The following ARL15 variants were observed in gnomAD, a reference collection of about 807,000 sequenced individuals.
ARL15 encodes ARF like GTPase 15.
In ARL15, 19 loss-of-function variants were observed where a neutral mutation model predicts 25.2. The observed-to-expected ratio is 0.75, with a 90% CI of 0.53 to 1.10. The LOEUF (loss-of-function observed/expected upper bound fraction) is 1.10, where lower values mean the gene tolerates loss of function less well. Among genes scored for constraint, ARL15 ranks in the 50% least tolerant of loss-of-function variants. The pLI is 0.00. For synonymous variants in ARL15, 94 were observed against 86.8 expected, an observed-to-expected ratio of 1.08 and a Z score of -0.46; for missense variants, 220 against 246.0, an observed-to-expected ratio of 0.89 and a Z score of 0.71.
intron 3 of ARL15, among the ~76,000 whole-genome samples, chr5:54,136,920 G>A (rs2112296119): frequency 6.6e-6 from 1 of 150,462 alleles, no homozygotes; most frequent in African/African-American, 2.4e-5. Flanking sequence ...ACTGGCCCAA[G>A]AATCATCTCT....
chr5:54,258,857 G>A, intron 1 of ARL15, among the ~76,000 whole-genome samples: 1 of 152,220 alleles, frequency 6.6e-6, no homozygotes, highest in East Asian at 1.9e-4. Flanking sequence ...GGAAACGGGG[G>A]CAGTGTCATG....
intron 1 of ARL15, chr5:54,285,348 T>G: frequency 1.1e-6 from 1 of 888,702 alleles, no homozygotes; most frequent in Non-Finnish European, 1.3e-6. Context: ...TACAGTTTAT[T>G]GTTGTTTTCC....
At chr5:54,158,933 C>T (rs1283358307) in intron 2 of ARL15, among the ~76,000 whole-genome samples, 1 of 152,164 alleles carries the variant, frequency 6.6e-6, no homozygotes, top group East Asian at 1.9e-4. Flanking sequence ...CAGAGCCCTA[C>T]ACTACACTGT....
At chr5:54,093,575 G>A (rs577987792) in intron 4 of ARL15, among the ~76,000 whole-genome samples, 112 of 152,026 alleles carry the variant, frequency 7.4e-4, no homozygotes, top group African/African-American at 2.7e-3. Context: ...AAAGTCTCCA[G>A]TAACACTATG....
chr5:53,923,877 TAA>T (rs1745934141), intron 4 of ARL15, among the ~76,000 whole-genome samples: 1 of 151,760 alleles, frequency 6.6e-6, no homozygotes, highest in African/African-American at 2.4e-5. Flanking sequence ...AAAAATAAAA[TAA>T]AATAAAATAA....
chr5:54,262,661 TC>T (rs1341102750), intron 1 of ARL15, among the ~76,000 whole-genome samples: 5 of 152,322 alleles, frequency 3.3e-5, no homozygotes, highest in African/African-American at 1.2e-4. Flanking sequence ...AGTATACTGA[TC>T]CTTTTGCCAA....
intron 4 of ARL15, among the ~76,000 whole-genome samples, chr5:53,906,465 A>G (rs1745253032): frequency 6.6e-6 from 1 of 152,142 alleles, no homozygotes; most frequent in Admixed American, 6.5e-5. Flanking sequence ...GGAAGCAATT[A>G]AGAGGTACAA....
chr5:54,105,878 C>G (rs1752574984), intron 4 of ARL15, among the ~76,000 whole-genome samples: 2 of 152,248 alleles, frequency 1.3e-5, no homozygotes, highest in South Asian at 2.1e-4. Flanking sequence ...ACTTTAAAAC[C>G]ATGTCATTAT....
At chr5:54,137,814 T>C (rs2112299012) in intron 3 of ARL15, among the ~76,000 whole-genome samples, 1 of 152,202 alleles carries the variant, frequency 6.6e-6, no homozygotes, top group East Asian at 1.9e-4. Context: ...AATTGTATAT[T>C]ATAGTTGGGC....
rs892918647 is a variant in ARL15, at chr5:54,012,370, T to G, written c.462+100832A>C. 2.6e-5 allele frequency among the ~76,000 whole-genome samples: 4 copies of G among 152,142 alleles called. 1 individual carries two copies. Among genetic ancestry groups the G allele is most frequent in the Non-Finnish European group, 5.9e-5 (4 of 68,028 alleles). On this transcript the variant is annotated intron_variant, in intron 4 of 4. Transcript: ENST00000504924. ...TATGCATCCCATGAAGTCTCTCAGT[T>G]CCCTAGCTCTTATTTGGTCACTCTC...
chr5:54,093,314 G>T (rs1403973963), intron 4 of ARL15, among the ~76,000 whole-genome samples: 1 of 152,174 alleles, frequency 6.6e-6, no homozygotes, highest in Non-Finnish European at 1.5e-5. Context: ...AGGCCAGGGT[G>T]TTCTCTGGAT....
At chr5:54,071,514 C>A (rs1166360278) in intron 4 of ARL15, among the ~76,000 whole-genome samples, 2 of 18,090 alleles carry the variant, frequency 1.1e-4, no homozygotes, top group East Asian at 8.3e-4. Context: ...CGCCTTTCCC[C>A]CCCCCCCCCC....
chr5:54,004,621 T>C (rs10940356), intron 4 of ARL15, among the ~76,000 whole-genome samples: 2,477 of 152,288 alleles, frequency 0.016, 89 homozygotes, highest in African/African-American at 0.056. Flanking sequence ...TATCCACTTA[T>C]GTATTGATTG....
chr5:54,241,243 T>C (rs1756948114), intron 1 of ARL15, among the ~76,000 whole-genome samples: 1 of 152,180 alleles, frequency 6.6e-6, no homozygotes, highest in Admixed American at 6.5e-5. Flanking sequence ...TAGATTACCC[T>C]GGTAACCTAG....
chr5:54,093,776 A>G (rs1032722474), intron 4 of ARL15, among the ~76,000 whole-genome samples: 2 of 152,078 alleles, frequency 1.3e-5, no homozygotes, highest in Admixed American at 1.3e-4. Flanking sequence ...TGCAAAAATG[A>G]CTTTTACTCT....
intron 4 of ARL15, among the ~76,000 whole-genome samples, chr5:54,063,336 A>G (rs1389290124): frequency 6.6e-6 from 1 of 152,322 alleles, no homozygotes; most frequent in East Asian, 1.9e-4. Flanking sequence ...CTGTTCTGGG[A>G]AAAACAGATT....
intron 4 of ARL15, among the ~76,000 whole-genome samples, chr5:53,948,033 G>A (rs1260588600): frequency 1.3e-5 from 2 of 151,850 alleles, no homozygotes; most frequent in Non-Finnish European, 2.9e-5. Flanking sequence ...GGTTGCAGAA[G>A]GAAACAATAA....
chr5:54,150,439 G>T (rs891912321), intron 3 of ARL15, among the ~76,000 whole-genome samples: 9 of 152,144 alleles, frequency 5.9e-5, no homozygotes, highest in Non-Finnish European at 8.8e-5. Context: ...AAAAGCAACA[G>T]AAATAATTAG....
intron 4 of ARL15, among the ~76,000 whole-genome samples, chr5:53,930,102 A>T (rs1337853029): frequency 6.6e-6 from 1 of 152,218 alleles, no homozygotes; most frequent in Non-Finnish European, 1.5e-5. Context: ...CAATGCTCAA[A>T]GTAAAATTTT....
Sources: gnomAD v4.1 joint callset for allele counts (sites outside exome capture counted in the v4.1 genomes callset) on GRCh38, gnomAD v4.1.1 for gene constraint, MANE v1.5 for transcripts, NCBI Gene and HGNC (gene_info 2026-07-23, HGNC 2026-07-21) for gene names.